Variants in ZFHX4 observed in about 807,000 individuals in gnomAD.
The protein encoded by ZFHX4 is zinc finger homeobox protein 4.
ZFHX4 carries 56 observed loss-of-function variants against 267.6 expected under a neutral mutation model. The ratio of observed to expected loss-of-function variants is 0.21; its 90% CI spans 0.17 to 0.26. The LOEUF (loss-of-function observed/expected upper bound fraction) is 0.26. ZFHX4 is among the 10% of genes least tolerant of loss of function. The probability of loss-of-function intolerance (pLI) is 1.00; values close to 1 mark genes in which losing one functional copy is unlikely to be tolerated. For missense variants in ZFHX4, 4,332 were observed against 4,420.0 expected, an observed-to-expected ratio of 0.98 and a Z score of 0.56; for synonymous variants, 1,778 against 1,665.6, an observed-to-expected ratio of 1.07 and a Z score of -1.64.
chr8:76,769,015 T>G (rs1810187538), intron 3 of ZFHX4, among the ~76,000 whole-genome samples: 1 of 152,202 alleles, frequency 6.6e-6, no homozygotes, highest in South Asian at 2.1e-4. Context: ...GGAGGATTGC[T>G]TGAGCCCAGG....
At chr8:76,847,242 T>A (rs1586004712) in intron 6 of ZFHX4, among the ~76,000 whole-genome samples, 1 of 152,300 alleles carries the variant, frequency 6.6e-6, no homozygotes, top group East Asian at 1.9e-4. Flanking sequence ...AAGAAACATA[T>A]ATTTTTTGAT....
chr8:76,715,856 A>G (rs1207495713), intron 3 of ZFHX4, among the ~76,000 whole-genome samples: 1 of 152,186 alleles, frequency 6.6e-6, no homozygotes, highest in Non-Finnish European at 1.5e-5. Context: ...AGAATTTCCT[A>G]TAGACTTTAT....
At chr8:76,809,349 T>C (rs1811320301) in intron 4 of ZFHX4, among the ~76,000 whole-genome samples, 1 of 152,172 alleles carries the variant, frequency 6.6e-6, no homozygotes, top group Non-Finnish European at 1.5e-5. Flanking sequence ...TAGCAAATAA[T>C]TTTGATCTGT....
intron 3 of ZFHX4, among the ~76,000 whole-genome samples, chr8:76,738,712 T>TTCTCTCTCTCTCTC (rs571087005): frequency 8.1e-6 from 1 of 123,810 alleles, no homozygotes; most frequent in African/African-American, 3.0e-5. Flanking sequence ...CTCTCTCTCT[T>TTCTCTCTCTCTCTC]TCTCTCTCTC....
chr8:76,800,042 G>A lies in ZFHX4; in HGVS notation c.3325+21603G>A, dbSNP rs142553651. ...TGGATTGGATTCCTTCAGAAAGCGCGTGTGTCAGAAAGAGCGTGTGTGTGA... is the reference window on the plus strand; with the variant it reads ...TGGATTGGATTCCTTCAGAAAGCGCATGTGTCAGAAAGAGCGTGTGTGTGA... On this transcript the variant is annotated intron_variant, in intron 4 of 10. Transcript: ENST00000651372. Among the ~76,000 whole-genome samples, 271 of 152,128 alleles carry A rather than the reference G, an allele frequency of 1.8e-3. 4 individuals carry two copies. The highest frequency in any genetic ancestry group is 1.2e-3 in the Non-Finnish European group (81 of 67,996).
intron 3 of ZFHX4, among the ~76,000 whole-genome samples, chr8:76,732,896 G>C (rs1213361536): frequency 6.6e-6 from 1 of 152,100 alleles, no homozygotes; most frequent in Non-Finnish European, 1.5e-5. Flanking sequence ...CCATTACACT[G>C]AGTGGACCCT....
chr8:76,754,852 T>A (rs1809721480), intron 3 of ZFHX4, among the ~76,000 whole-genome samples: 1 of 152,184 alleles, frequency 6.6e-6, no homozygotes, highest in Non-Finnish European at 1.5e-5. Flanking sequence ...CCTCTTACCC[T>A]TCCCAGTGTT....
chr8:76,819,640 A>C (rs761791654), intron 4 of ZFHX4, among the ~76,000 whole-genome samples: 1 of 152,164 alleles, frequency 6.6e-6, no homozygotes, highest in Non-Finnish European at 1.5e-5. Context: ...ATTTGGCAGG[A>C]AGAAGGAAGA....
intron 4 of ZFHX4, among the ~76,000 whole-genome samples, chr8:76,780,206 A>G (rs372463135): frequency 6.6e-5 from 10 of 152,292 alleles, no homozygotes; most frequent in African/African-American, 2.4e-4. Context: ...CTGAATGTCA[A>G]ATCTTCTATT....
At chr8:76,795,411 C>A (rs1810952247) in intron 4 of ZFHX4, among the ~76,000 whole-genome samples, 1 of 151,950 alleles carries the variant, frequency 6.6e-6, no homozygotes, top group South Asian at 2.1e-4. Flanking sequence ...GTAGCTTGCA[C>A]CGTAGGCACA....
intron 3 of ZFHX4, among the ~76,000 whole-genome samples, chr8:76,747,896 C>T (rs1250097231): frequency 6.6e-6 from 1 of 152,066 alleles, no homozygotes; most frequent in Non-Finnish European, 1.5e-5. Context: ...TGCGTCACTG[C>T]ACTTCCAGCC....
chr8:76,719,920 A>G (rs539911713), intron 3 of ZFHX4, among the ~76,000 whole-genome samples: 42 of 152,272 alleles, frequency 2.8e-4, no homozygotes, highest in Non-Finnish European at 4.7e-4. Context: ...ATGCTACAAA[A>G]TCTACCATGT....
intron 4 of ZFHX4, among the ~76,000 whole-genome samples, chr8:76,833,035 T>C (rs1811976853): frequency 6.6e-6 from 1 of 152,156 alleles, no homozygotes; most frequent in Non-Finnish European, 1.5e-5. Flanking sequence ...CTATAACATA[T>C]AGGCTTGGCC....
chr8:76,807,169 T>A (rs1166025516), intron 4 of ZFHX4, among the ~76,000 whole-genome samples: 1 of 152,050 alleles, frequency 6.6e-6, no homozygotes, highest in Non-Finnish European at 1.5e-5. Flanking sequence ...GGGTTTCTTT[T>A]ATCTGAACAT....
At chr8:76,838,671 A>C (rs937225892) in intron 5 of ZFHX4, among the ~76,000 whole-genome samples, 3 of 152,220 alleles carry the variant, frequency 2.0e-5, no homozygotes, top group African/African-American at 7.2e-5. Flanking sequence ...TTTCCTCTTT[A>C]TATGATCACT....
At position 76,704,254 on chromosome 8, in the gene ZFHX4, C is replaced by T. The variant is rs770999430; in HGVS notation, c.166C>T (p.Arg56Cys). 9.3e-6 allele frequency: 15 copies of T among 1,613,956 alleles called. No individual in the cohort carries two copies. Among genetic ancestry groups the T allele is most frequent in the Non-Finnish European group, 1.1e-5 (13 of 1,179,894 alleles). ...AGATGACAACCTGAAAACGGATGAG[C>T]GCAAAAGTGAAGCCTTGCTGGGTTT... ...STDDNLKTDE[R>C]KSEALLGFSV... is the part of the protein sequence containing the mutation. The change falls in exon 2 of 11, where the codon CGC becomes TGC. Residue 56 changes from arginine (R) to cysteine (C), a missense_variant. Transcript: ENST00000651372.
At chr8:76,709,297 T>A (rs928961903) in intron 3 of ZFHX4, among the ~76,000 whole-genome samples, 1 of 152,208 alleles carries the variant, frequency 6.6e-6, no homozygotes, top group Non-Finnish European at 1.5e-5. Flanking sequence ...ATTGGCACTC[T>A]GTGGATCAAT....
At chr8:76,760,887 C>T (rs935858124) in intron 3 of ZFHX4, among the ~76,000 whole-genome samples, 22 of 137,024 alleles carry the variant, frequency 1.6e-4, no homozygotes, top group East Asian at 6.9e-4. Context: ...AGTGATCAGG[C>T]GGCTGCACTC....
intron 3 of ZFHX4, among the ~76,000 whole-genome samples, chr8:76,722,094 GT>G (rs1808737228): frequency 6.6e-6 from 1 of 152,028 alleles, no homozygotes. Flanking sequence ...GTTTCTTGAA[GT>G]TTTCAATTTC....
Sources: gnomAD v4.1 joint callset for allele counts (sites outside exome capture counted in the v4.1 genomes callset) on GRCh38, gnomAD v4.1.1 for gene constraint, MANE v1.5 for transcripts, NCBI Gene and HGNC (gene_info 2026-07-23, HGNC 2026-07-21) for gene names.